The following PCDH15 variants were observed in gnomAD, a reference collection of about 807,000 sequenced individuals.
The protein encoded by PCDH15 is protocadherin related 15.
In PCDH15, 129 loss-of-function variants were observed where a neutral mutation model predicts 178.5. The ratio of observed to expected loss-of-function variants is 0.72; its 90% confidence interval spans 0.63 to 0.84. The LOEUF is 0.84. Among genes scored for constraint, PCDH15 ranks in the 40% least tolerant of loss-of-function variants. The pLI is 0.00. For synonymous variants in PCDH15, 800 were observed against 732.0 expected, an observed-to-expected ratio of 1.09 and a Z score of -1.50; for missense variants, 2,230 against 2,099.9, an observed-to-expected ratio of 1.06 and a Z score of -1.21.
At position 55,506,355 on chromosome 10, in the gene PCDH15, T is replaced by C. The variant is rs1218779412; in HGVS notation, c.-156+121270A>G. 3.0e-4 allele frequency: 45 copies of C among 151,514 alleles called. 1 individual carries two copies. Among genetic ancestry groups the C allele is most frequent in the Admixed American group, 2.9e-3 (44 of 15,134 alleles). 9.4% of individuals were successfully genotyped at this position (151,514 alleles called of 1,614,324 possible). A position where few individuals can be genotyped will look rare whatever the true frequency, so the allele number is the denominator to read the frequency against. Reference sequence around the variant, plus strand: ...AAGGAAGCTATTGAATAGATAGCTATAGCTCAGAATGTAATAACATAATGC... The same window carrying C: ...AAGGAAGCTATTGAATAGATAGCTACAGCTCAGAATGTAATAACATAATGC... On this transcript the variant is annotated intron_variant, in intron 2 of 5. Coordinates refer to the PCDH15 transcript ENST00000613346.
intron 2 of PCDH15, among the ~76,000 whole-genome samples, chr10:54,976,954 G>A (rs915998924): frequency 1.3e-5 from 2 of 152,152 alleles, no homozygotes; most frequent in Non-Finnish European, 2.9e-5. Flanking sequence ...GAGGCTGGAA[G>A]AAAGGTGGAG....
At chr10:55,415,418 A>T (rs1006717530) in intron 2 of PCDH15, among the ~76,000 whole-genome samples, 1 of 151,700 alleles carries the variant, frequency 6.6e-6, no homozygotes, top group South Asian at 2.1e-4. Context: ...TTTAGGATCC[A>T]TTGGAAAAAG....
intron 2 of PCDH15, among the ~76,000 whole-genome samples, chr10:54,647,076 G>A (rs114809173): frequency 8.9e-4 from 135 of 152,118 alleles, no homozygotes; most frequent in African/African-American, 3.0e-3. Context: ...ACCAAGGTGC[G>A]GAGACAACCT....
At chr10:54,708,799 TGTGCGC>T (rs373068066) in intron 1 of PCDH15, among the ~76,000 whole-genome samples, 13,887 of 150,606 alleles carry the variant, frequency 0.092, 664 homozygotes, top group Admixed American at 0.11. Flanking sequence ...TGTGTGTGTG[TGTGCGC>T]GCGCGTGCGT....
intron 2 of PCDH15, among the ~76,000 whole-genome samples, chr10:55,606,386 G>GA (rs202181305): frequency 0.057 from 8,526 of 148,938 alleles, 561 homozygotes; most frequent in East Asian, 0.31. Context: ...CACAGAATTG[G>GA]AAAAAACTAC....
At chr10:54,449,731 A>T (rs1275190558) in intron 3 of PCDH15, among the ~76,000 whole-genome samples, 2 of 151,882 alleles carry the variant, frequency 1.3e-5, no homozygotes, top group Non-Finnish European at 2.9e-5. Flanking sequence ...AGTAATCTAA[A>T]ATGGATTTAA....
intron 26 of PCDH15, among the ~76,000 whole-genome samples, 154 bp from the exon 27 acceptor site, chr10:53,867,011 G>A (rs1564640996): frequency 6.6e-6 from 1 of 152,078 alleles, no homozygotes; most frequent in Non-Finnish European, 1.5e-5. Flanking sequence ...ATATAGTTAT[G>A]TAGATTAATA....
At chr10:55,086,943 T>C (rs1842186022) in intron 2 of PCDH15, among the ~76,000 whole-genome samples, 1 of 152,074 alleles carries the variant, frequency 6.6e-6, no homozygotes. Context: ...AGAGACGTTG[T>C]GTTAGCAACT....
intron 1 of PCDH15, among the ~76,000 whole-genome samples, chr10:55,274,541 C>T (rs995441484): frequency 6.6e-6 from 1 of 152,060 alleles, no homozygotes; most frequent in Non-Finnish European, 1.5e-5. Flanking sequence ...CATTCATCAA[C>T]CTGTCTGGAA....
Position 53,806,511 on chromosome 10 carries a change from G to T in PCDH15, c.*68C>A. 1 of 1,285,778 alleles carries T rather than the reference G, an allele frequency of 7.8e-7. No homozygotes were observed. The highest frequency in any genetic ancestry group is 1.1e-6 in the Non-Finnish European group (1 of 940,518). 79.6% of individuals were successfully genotyped at this position (1,285,778 alleles called of 1,614,324 possible). On this transcript the variant is annotated 3_prime_UTR_variant, in exon 38 of 38. Coordinates refer to ENST00000644397, the MANE Select transcript of PCDH15 (RefSeq NM_001384140.1). The stretch of plus-strand genomic sequence containing the variant: ...AAATTCCATACATTGTTTTCTCAGT[G>T]ACAATAAAAAGCACAGTTTATTAAA...
chr10:55,277,995 A>G (rs1361470799), intron 1 of PCDH15, among the ~76,000 whole-genome samples: 5 of 152,220 alleles, frequency 3.3e-5, no homozygotes, highest in African/African-American at 1.2e-4. Flanking sequence ...AATCATGTTC[A>G]GAATATAATT....
At chr10:55,146,733 C>T (rs908760440) in intron 2 of PCDH15, among the ~76,000 whole-genome samples, 1 of 151,922 alleles carries the variant, frequency 6.6e-6, no homozygotes, top group East Asian at 1.9e-4. Context: ...TTAAAATAGA[C>T]ATTTTGACAA....
At chr10:54,344,101 A>C (rs2134125663) in intron 6 of PCDH15, among the ~76,000 whole-genome samples, 1 of 152,268 alleles carries the variant, frequency 6.6e-6, no homozygotes, top group Admixed American at 6.5e-5. Flanking sequence ...GGTTTACACT[A>C]ATTTTATATG....
At chr10:54,821,250 G>T (rs561257717) in intron 3 of PCDH15, among the ~76,000 whole-genome samples, 3 of 151,944 alleles carry the variant, frequency 2.0e-5, no homozygotes, top group Non-Finnish European at 4.4e-5. Context: ...CACAGTTCTA[G>T]ACTATGCATC....
chr10:54,126,720 T>C (rs2042021631), intron 15 of PCDH15, among the ~76,000 whole-genome samples: 1 of 152,108 alleles, frequency 6.6e-6, no homozygotes, highest in Admixed American at 6.6e-5. Context: ...TGTTTATTTT[T>C]GAATGATTAT....
chr10:54,984,696 C>T (rs1337798514), intron 2 of PCDH15, among the ~76,000 whole-genome samples: 4 of 152,172 alleles, frequency 2.6e-5, no homozygotes, highest in Admixed American at 6.5e-5. Flanking sequence ...TAAAAATTAG[C>T]TGGGCATGGT....
chr10:55,079,947 G>T (rs569897044), intron 2 of PCDH15, among the ~76,000 whole-genome samples: 1 of 152,194 alleles, frequency 6.6e-6, no homozygotes, highest in South Asian at 2.1e-4. Flanking sequence ...AGTGTGCAGG[G>T]GCTTAGGCTC....
At chr10:54,093,054 T>C (rs2094627441) in intron 15 of PCDH15, among the ~76,000 whole-genome samples, 1 of 151,288 alleles carries the variant, frequency 6.6e-6, no homozygotes, top group Non-Finnish European at 1.5e-5. Flanking sequence ...TAATATTTAA[T>C]ATCCTTTATG....
At chr10:54,787,812 C>T (rs370620189) in intron 1 of PCDH15, among the ~76,000 whole-genome samples, 1 of 151,876 alleles carries the variant, frequency 6.6e-6, no homozygotes, top group Non-Finnish European at 1.5e-5. Flanking sequence ...TTAAGTTCAG[C>T]GAAGCTTGTA....
Sources: allele counts gnomAD v4.1 joint callset (sites outside exome capture counted in the v4.1 genomes callset), GRCh38; gene constraint gnomAD v4.1.1; transcripts MANE v1.5; gene names NCBI Gene and HGNC (gene_info 2026-07-23, HGNC 2026-07-21).